The following TBC1D19 variants were observed in gnomAD, a reference collection of about 807,000 sequenced individuals.
TBC1D19 encodes the protein TBC1 domain family, member 19.
A neutral mutation model predicts 89.0 loss-of-function variants in TBC1D19; 60 were observed. That is an observed-to-expected ratio of 0.67 (90% CI 0.55 to 0.84). TBC1D19 has a LOEUF of 0.84. Ranked by LOEUF, TBC1D19 falls within the 40% of genes least tolerant of loss-of-function variation. TBC1D19 has a pLI of 0.00. For missense variants in TBC1D19, 500 were observed against 610.8 expected (o/e 0.82, Z 1.91); for synonymous variants, 189 against 199.7 (o/e 0.95, Z 0.45).
the TBC1D19 span, among the ~76,000 whole-genome samples, chr4:26,793,409 A>G: frequency 7.9e-5 from 12 of 152,302 alleles, no homozygotes; most frequent in African/African-American, 2.2e-4. Flanking sequence ...ATGACAACCA[A>G]TGGTACAGTT....
upstream of TBC1D19, chr4:26,583,851 C>T (rs1016767901): frequency 1.0e-5 from 3 of 292,910 alleles, no homozygotes; most frequent in Non-Finnish European, 1.3e-5. Flanking sequence ...GTAAAACGCA[C>T]AATTCTCCGT....
At chr4:26,851,694 C>T in the TBC1D19 span, among the ~76,000 whole-genome samples, 1 of 152,020 alleles carries the variant, frequency 6.6e-6, no homozygotes, top group African/African-American at 2.4e-5. Context: ...AAATGTGTAC[C>T]TTGCTGTGAG....
At chr4:26,836,617 G>A in the TBC1D19 span, among the ~76,000 whole-genome samples, 1 of 152,210 alleles carries the variant, frequency 6.6e-6, no homozygotes, top group Non-Finnish European at 1.5e-5. Context: ...AAAATCCAAA[G>A]GCAGCAGCAG....
At chr4:26,717,145 C>A (rs774630071) in intron 13 of TBC1D19, among the ~76,000 whole-genome samples, 3 of 152,042 alleles carry the variant, frequency 2.0e-5, no homozygotes, top group Admixed American at 2.0e-4. Flanking sequence ...TTTCCTCTCC[C>A]TTCACTCTTG....
Position 26,720,140 on chromosome 4 carries a change from A to T in TBC1D19, c.1084+15A>T, listed in dbSNP as rs1234677492. 1 of 1,576,566 alleles carries T rather than the reference A, an allele frequency of 6.3e-7. No individual in the cohort carries two copies. The highest frequency in any genetic ancestry group is 8.6e-7 in the Non-Finnish European group (1 of 1,161,686). ...CCCACCAAATGGTAAGAGTAATGCT[A>T]TTGCTTCCTCTAGTGGGAAGTGAAA... is the stretch of plus-strand genomic sequence containing the variant. On this transcript the variant is annotated intron_variant, in intron 15 of 20. Transcript: ENST00000264866.
the TBC1D19 span, among the ~76,000 whole-genome samples, chr4:26,803,844 T>C: frequency 1.3e-5 from 2 of 151,508 alleles, no homozygotes; most frequent in Admixed American, 6.6e-5. Flanking sequence ...TTTTGCATTT[T>C]TGATTTTGCA....
the TBC1D19 span, among the ~76,000 whole-genome samples, chr4:26,842,167 C>A: frequency 1.3e-5 from 2 of 151,974 alleles, no homozygotes; most frequent in African/African-American, 4.8e-5. Flanking sequence ...CCTGCTTTTG[C>A]TGATGGTTCC....
intron 1 of TBC1D19, among the ~76,000 whole-genome samples, chr4:26,611,614 A>G (rs1013396764): frequency 3.3e-5 from 5 of 152,170 alleles, no homozygotes; most frequent in African/African-American, 1.2e-4. Flanking sequence ...TTTTTGCTCA[A>G]TGCCTAGAAT....
intron 4 of TBC1D19, among the ~76,000 whole-genome samples, chr4:26,634,134 A>C (rs1742974308): frequency 6.6e-6 from 1 of 151,418 alleles, no homozygotes; most frequent in Admixed American, 6.6e-5. Context: ...CCATGGCTTC[A>C]TGAATTTCCT....
In TBC1D19 at chr4:26,589,533, A is replaced by T. The variant is rs146249242; in HGVS notation, c.99+5241A>T. Among the ~76,000 whole-genome samples, 9 of 152,202 alleles carry T rather than the reference A, an allele frequency of 5.9e-5. No homozygotes were observed. The East Asian group carries it at 1.7e-3, about 29-fold the overall frequency. On this transcript the variant is annotated intron_variant, in intron 1 of 20. Coordinates refer to ENST00000264866, the MANE Select transcript of TBC1D19 (RefSeq NM_018317.4). ...GTCATCTGTTTTTCTGACTCAGTCC[A>T]TGTGCTTTATCCTTGGATGTGGAGC...
chr4:26,678,615 A>G (rs1345549413), intron 11 of TBC1D19, among the ~76,000 whole-genome samples: 1 of 152,086 alleles, frequency 6.6e-6, no homozygotes, highest in African/African-American at 2.4e-5. Flanking sequence ...GATAACATAG[A>G]AAAAAATGGG....
intron 7 of TBC1D19, among the ~76,000 whole-genome samples, chr4:26,646,259 A>G (rs904011623): frequency 1.3e-5 from 2 of 152,196 alleles, no homozygotes; most frequent in Non-Finnish European, 2.9e-5. Flanking sequence ...TCAAAACCAC[A>G]ATGAGATACC....
the TBC1D19 span, among the ~76,000 whole-genome samples, chr4:26,779,134 T>G: frequency 1.8e-3 from 278 of 152,282 alleles, 1 homozygote; most frequent in African/African-American, 6.4e-3. Context: ...GGGCCTGAGA[T>G]TCTTCATTTC....
chr4:26,731,020 G>T (rs904149255), intron 15 of TBC1D19, among the ~76,000 whole-genome samples: 18 of 152,316 alleles, frequency 1.2e-4, no homozygotes, highest in African/African-American at 4.1e-4. Flanking sequence ...TCAAGCCCCT[G>T]TGCCTTAGTC....
chr4:26,744,620 G>A (rs1718545529), intron 18 of TBC1D19, among the ~76,000 whole-genome samples: 1 of 151,652 alleles, frequency 6.6e-6, no homozygotes, highest in Non-Finnish European at 1.5e-5. Flanking sequence ...TTATCCTGTG[G>A]TTTCCTCTTT....
the TBC1D19 span, among the ~76,000 whole-genome samples, chr4:26,761,578 A>G: frequency 6.6e-6 from 1 of 152,134 alleles, no homozygotes; most frequent in Non-Finnish European, 1.5e-5. Context: ...TAAGCTTACT[A>G]CTTCTACTAT....
At chr4:26,777,419 G>A in the TBC1D19 span, among the ~76,000 whole-genome samples, 49 of 150,596 alleles carry the variant, frequency 3.3e-4, 1 homozygote, top group Admixed American at 1.1e-3. Flanking sequence ...ACAGGCGTGA[G>A]CCACCGCACT....
the TBC1D19 span, among the ~76,000 whole-genome samples, chr4:26,790,874 T>C: frequency 6.6e-6 from 1 of 152,338 alleles, no homozygotes; most frequent in South Asian, 2.1e-4. Flanking sequence ...CACTTTTCTA[T>C]TCAAATAATT....
exon 1 of TBC1D19, chr4:26,576,771 A>G (rs1253271883): frequency 8.8e-6 from 4 of 456,274 alleles, no homozygotes; most frequent in South Asian, 1.5e-5. Flanking sequence ...GAGAGGGGCC[A>G]CAGTAAAATA....
Sources: allele counts gnomAD v4.1 joint callset (sites outside exome capture counted in the v4.1 genomes callset), GRCh38; gene constraint gnomAD v4.1.1; transcripts MANE v1.5; gene names NCBI Gene and HGNC (gene_info 2026-07-23, HGNC 2026-07-21).